Variants in THUMPD2 observed in about 807,000 individuals in gnomAD.
The protein encoded by THUMPD2 is U6 snRNA (guanine-N(2))-methyltransferase THUMPD2.
In THUMPD2, 56 loss-of-function variants were observed where a neutral mutation model predicts 49.4. That is an observed-to-expected ratio of 1.13 (90% CI 0.91 to 1.41). The LOEUF (loss-of-function observed/expected upper bound fraction) is 1.41. Ranked by LOEUF, THUMPD2 falls within the 40% of genes most tolerant of loss-of-function variation. THUMPD2 has a pLI of 0.00. For synonymous variants in THUMPD2, 237 were observed against 205.2 expected, an observed-to-expected ratio of 1.15 and a Z score of -1.32; for missense variants, 709 against 594.5, an observed-to-expected ratio of 1.19 and a Z score of -2.00.
chr2:39,752,403 G>A (rs759200509), intron 8 of THUMPD2, among the ~76,000 whole-genome samples: 2 of 152,128 alleles, frequency 1.3e-5, no homozygotes, highest in African/African-American at 2.4e-5. Flanking sequence ...AATTCCTATA[G>A]TAAAAAGGCA....
chr2:39,752,822 T>A (rs538918401), intron 8 of THUMPD2, among the ~76,000 whole-genome samples: 1 of 152,296 alleles, frequency 6.6e-6, no homozygotes, highest in African/African-American at 2.4e-5. Flanking sequence ...ATAAAAATTA[T>A]AATCTCCAGT....
chr2:39,773,908 C>T (rs1041498526), intron 1 of THUMPD2, among the ~76,000 whole-genome samples: 2 of 152,116 alleles, frequency 1.3e-5, no homozygotes, highest in African/African-American at 4.8e-5. Flanking sequence ...TACAGCAGGT[C>T]CTTGAATAAC....
At chr2:39,756,140 C>A (rs1354923066) in intron 6 of THUMPD2, among the ~76,000 whole-genome samples, 180 bp from the exon 7 acceptor site, 13 of 152,058 alleles carry the variant, frequency 8.5e-5, no homozygotes, top group Non-Finnish European at 1.9e-4. Context: ...AAAGATATTT[C>A]AGCAGGTGTA....
intron 1 of THUMPD2, 43 bp from the exon 2 acceptor site, chr2:39,771,683 G>GA (rs753330738): frequency 1.6e-5 from 25 of 1,559,016 alleles, no homozygotes; most frequent in African/African-American, 1.3e-4. Flanking sequence ...CAGTGTCAGT[G>GA]AAAAAACCAT....
intron 9 of THUMPD2, among the ~76,000 whole-genome samples, chr2:39,739,615 C>T (rs551677612): frequency 3.9e-5 from 6 of 152,276 alleles, no homozygotes; most frequent in South Asian, 2.1e-4. Context: ...CTGTAATCCC[C>T]GGGGCCAAGT....
chr2:39,755,822 G>T, intron 7 of THUMPD2, 67 bp downstream of exon 7: 1 of 1,265,284 alleles, frequency 7.9e-7, no homozygotes, highest in Non-Finnish European at 1.1e-6. Flanking sequence ...GTAAATAATT[G>T]GTGATTATAC....
chr2:39,764,321 T>C (rs1677225331), intron 5 of THUMPD2, among the ~76,000 whole-genome samples: 1 of 152,238 alleles, frequency 6.6e-6, no homozygotes, highest in Non-Finnish European at 1.5e-5. Flanking sequence ...GTAGGTACTA[T>C]TATTTTCCTG....
At chr2:39,744,536 A>G in intron 8 of THUMPD2, 58 bp from the exon 9 acceptor site, 1 of 1,119,974 alleles carries the variant, frequency 8.9e-7, no homozygotes, top group Non-Finnish European at 1.3e-6. Flanking sequence ...TACAACTTAA[A>G]TAATGAGAAA....
At chr2:39,769,237 T>C (rs986954977) in intron 3 of THUMPD2, 2 of 399,360 alleles carry the variant, frequency 5.0e-6, no homozygotes, top group South Asian at 2.7e-5. Context: ...AAGAAAGTCA[T>C]TACTTGGAAT....
rs141304117 is a variant in THUMPD2 at position 39,769,812 on chromosome 2, C to G, written c.570G>C (p.Gln190His). ...KSEKFQEEEF[Q>H]NDIEKAIDTH... ...TATCAATTGCTTTCTCTATGTCATT[C>G]TGAAATTCTTCTTCTTGAAACTTTT... Residue 190 changes from glutamine (Q) to histidine (H), a missense_variant, in exon 3 of 10, where the codon CAG becomes CAC. Coordinates refer to ENST00000505747, the MANE Select transcript of THUMPD2 (RefSeq NM_025264.5). 7 of 1,611,436 alleles carry G rather than the reference C, an allele frequency of 4.3e-6. No individual in the cohort carries two copies. The African/African-American group carries it at 9.4e-5, about 22-fold the overall frequency.
Position 39,769,837 on chromosome 2 carries a change from T to A in THUMPD2, c.545A>T (p.Glu182Val), listed in dbSNP as rs758648845. The change falls in exon 3 of 10, where the codon GAA (glutamate) becomes GTA (valine). Residue 182 changes from glutamate to valine, a missense_variant. Glu to Val is a moderately radical substitution (Grantham distance 121, BLOSUM62 -2). Coordinates refer to ENST00000505747, the MANE Select transcript of THUMPD2 (RefSeq NM_025264.5). ...CTGAAATTCTTCTTCTTGAAACTTT[T>A]CGCTTTTAGTGGTAAAATCTCTTTG... ...LEQRDFTTKSEKFQEEEFQND... is the reference protein window; with the variant it reads ...LEQRDFTTKSVKFQEEEFQND... The A allele has an allele frequency of 6.2e-7, 1 of 1,612,772 alleles. No individual in the cohort carries two copies. Among genetic ancestry groups the A allele is most frequent in the Non-Finnish European group, 8.5e-7 (1 of 1,179,634 alleles).
intron 6 of THUMPD2, among the ~76,000 whole-genome samples, chr2:39,756,369 G>A (rs1676120943): frequency 6.6e-6 from 1 of 151,882 alleles, no homozygotes; most frequent in African/African-American, 2.4e-5. Context: ...CAAATAAGAA[G>A]GAAGAGAGCC....
At chr2:39,737,394 C>T (rs1304442448) in intron 9 of THUMPD2, among the ~76,000 whole-genome samples, 1 of 152,060 alleles carries the variant, frequency 6.6e-6, no homozygotes, top group Non-Finnish European at 1.5e-5. Flanking sequence ...AGCCTGACAG[C>T]AGAAGAAAGT....
chr2:39,736,904 GT>G lies in THUMPD2; in HGVS notation c.1342del (p.Thr448LeufsTer19), dbSNP rs769631278. ...IKKCLNPEEK[T>X]GAFKTASTSF... ...AGTTGACGCTGTCTTGAATGCACCA[GT>G]TTTTTCTTCAGGATTCAAGCACTTT... On this transcript the variant is annotated frameshift_variant, in exon 10 of 10. Transcript: ENST00000505747. LOFTEE classifies it low-confidence loss of function (END_TRUNC). 1.9e-6 allele frequency: 3 copies of G among 1,614,058 alleles called. No individual in the cohort carries two copies. The highest frequency in any genetic ancestry group is 1.1e-5 in the South Asian group (1 of 91,088).
intron 1 of THUMPD2, among the ~76,000 whole-genome samples, chr2:39,778,538 C>T (rs966342000): frequency 6.6e-6 from 1 of 152,222 alleles, no homozygotes; most frequent in African/African-American, 2.4e-5. Flanking sequence ...CAGTTTTCAA[C>T]ATTCTAAAAC....
intron 6 of THUMPD2, among the ~76,000 whole-genome samples, chr2:39,758,591 G>C (rs1241918404): frequency 6.6e-6 from 1 of 152,186 alleles, no homozygotes; most frequent in Non-Finnish European, 1.5e-5. Flanking sequence ...AGAGGTCAGT[G>C]AATAGAGAAG....
chr2:39,748,950 C>T (rs1008052382), intron 8 of THUMPD2, among the ~76,000 whole-genome samples: 2 of 151,790 alleles, frequency 1.3e-5, no homozygotes, highest in Admixed American at 6.6e-5. Flanking sequence ...CAGACCACTA[C>T]ACTCTAGCCT....
intron 9 of THUMPD2, 104 bp downstream of exon 9, chr2:39,744,266 G>T: frequency 1.7e-6 from 1 of 576,060 alleles, no homozygotes; most frequent in Non-Finnish European, 2.9e-6. Context: ...AAAAACTCTG[G>T]GAAATTGCTA....
At chr2:39,739,660 A>G in intron 9 of THUMPD2, among the ~76,000 whole-genome samples, 1 of 152,196 alleles carries the variant, frequency 6.6e-6, no homozygotes, top group Non-Finnish European at 1.5e-5. Flanking sequence ...AAGACTTCCA[A>G]ACGTGTCTGG....
Sources: allele counts gnomAD v4.1 joint callset (sites outside exome capture counted in the v4.1 genomes callset), GRCh38; gene constraint gnomAD v4.1.1; transcripts MANE v1.5; gene names NCBI Gene and HGNC (gene_info 2026-07-23, HGNC 2026-07-21).